The following PBX1 variants were observed in gnomAD, a reference collection of about 807,000 sequenced individuals.
PBX1 encodes the protein pre-B-cell leukemia transcription factor 1.
PBX1 carries 6 observed loss-of-function variants against 53.4 expected under a neutral mutation model. That is an observed-to-expected ratio of 0.11 (90% CI 0.06 to 0.22). The LOEUF is 0.22. Among genes scored for constraint, PBX1 ranks in the 10% least tolerant of loss-of-function variants. PBX1 has a pLI of 1.00. For missense variants in PBX1, 251 were observed against 551.4 expected, an observed-to-expected ratio of 0.46 and a Z score of 5.46; for synonymous variants, 204 against 212.3, an observed-to-expected ratio of 0.96 and a Z score of 0.34.
intron 2 of PBX1, among the ~76,000 whole-genome samples, chr1:164,663,448 A>G (rs1660630293): frequency 1.3e-5 from 2 of 152,136 alleles, no homozygotes; most frequent in Non-Finnish European, 1.5e-5. Flanking sequence ...GTGATAATAC[A>G]TTACTGTTCA....
intron 2 of PBX1, chr1:164,641,640 G>GTCTGCTA (rs1659154258): frequency 6.6e-6 from 1 of 152,226 alleles, no homozygotes. Context: ...CACAAGGGTA[G>GTCTGCTA]CAGGCCTGAG....
chr1:164,687,583 A>T (rs976777735), intron 2 of PBX1, among the ~76,000 whole-genome samples: 2 of 142,720 alleles, frequency 1.4e-5, no homozygotes, highest in Admixed American at 1.4e-4. Context: ...AAAAAAAAAA[A>T]GGAAATAGTT....
chr1:164,709,156 T>C (rs1438534235), intron 2 of PBX1, among the ~76,000 whole-genome samples: 1 of 152,170 alleles, frequency 6.6e-6, no homozygotes, highest in Admixed American at 6.5e-5. Context: ...CCTAACTTTG[T>C]TGGTCACTTT....
intron 2 of PBX1, among the ~76,000 whole-genome samples, chr1:164,579,930 GA>G (rs1654494902): frequency 6.6e-6 from 1 of 152,182 alleles, no homozygotes; most frequent in Non-Finnish European, 1.5e-5. Flanking sequence ...AGAGTTTAGT[GA>G]ATCTTCCTAA....
At chr1:164,679,967 A>G (rs767971130) in intron 2 of PBX1, 1 of 152,016 alleles carries the variant, frequency 6.6e-6, no homozygotes, top group Non-Finnish European at 1.5e-5. Flanking sequence ...ATGTGATCTT[A>G]TTTGGACAAA....
chr1:164,688,991 C>G (rs1030130828), intron 2 of PBX1, among the ~76,000 whole-genome samples: 2 of 152,350 alleles, frequency 1.3e-5, no homozygotes, highest in East Asian at 3.9e-4. Flanking sequence ...AGGGTGGCGT[C>G]GCGCCTCCCC....
intron 2 of PBX1, among the ~76,000 whole-genome samples, chr1:164,601,908 C>G (rs1656203271): frequency 1.3e-5 from 2 of 152,182 alleles, no homozygotes; most frequent in Non-Finnish European, 2.9e-5. Context: ...GGAACCAGAT[C>G]CTGGCTGAGA....
At chr1:164,870,258 C>CTTTCT (rs1672326520) in intron 2 of PBX1, among the ~76,000 whole-genome samples, 1 of 65,198 alleles carries the variant, frequency 1.5e-5, no homozygotes, top group African/African-American at 6.7e-5. Flanking sequence ...TCCTTCCTTC[C>CTTTCT]TTCCTTCCTT....
At position 164,754,754 on chromosome 1, in the gene PBX1, C is replaced by T. The variant is rs183157936; in HGVS notation, c.266-37740C>T. The stretch of plus-strand genomic sequence containing the variant: ...ATCAGTTTATGGGCATGATATGCTT[C>T]GTGATTTTTTTGTGTTAAGTATGTT... On this transcript the variant is annotated intron_variant, in intron 2 of 8. Transcript: ENST00000420696. 2.1e-3 allele frequency among the ~76,000 whole-genome samples: 325 copies of T among 152,198 alleles called. 2 individuals carry two copies. Among genetic ancestry groups the T allele is most frequent in the Non-Finnish European group, 3.5e-3 (240 of 67,996 alleles).
intron 2 of PBX1, chr1:164,626,245 G>A (rs912426342): frequency 1.5e-5 from 5 of 339,400 alleles, no homozygotes; most frequent in Middle Eastern, 2.3e-3. Flanking sequence ...TACGGTATTT[G>A]GAAATCCTGG....
At chr1:164,814,286 T>A (rs1669767183) in intron 6 of PBX1, 1 of 152,220 alleles carries the variant, frequency 6.6e-6, no homozygotes, top group Non-Finnish European at 1.5e-5. Flanking sequence ...AAATGATAAT[T>A]GAAATAAATT....
intron 2 of PBX1, chr1:164,639,701 C>T (rs1659001101): frequency 6.6e-6 from 1 of 152,210 alleles, no homozygotes; most frequent in African/African-American, 2.4e-5. Context: ...CTTGCTCTGT[C>T]ACTCAGGCTG....
Position 164,875,988 on chromosome 1 carries a change from G to GTGTA in PBX1, n.258-23199_258-23198insGTAT, listed in dbSNP as rs776802784. Among the ~76,000 whole-genome samples, 199 of 56,954 alleles carry GTGTA rather than the reference G, an allele frequency of 3.5e-3. 9 individuals are homozygous for GTGTA. The highest frequency in any genetic ancestry group is 8.1e-3 in the African/African-American group (194 of 23,898). 37.4% of individuals were successfully genotyped at this position (56,954 alleles called of 152,430 possible). A position where few individuals can be genotyped will look rare whatever the true frequency, so the allele number is the denominator to read the frequency against. The stretch of plus-strand genomic sequence containing the variant: ...ATACCTATATATATTTGGTGTATGT[G>GTGTA]TATATATATATATATATACACACAT... On this transcript the variant is annotated intron_variant and non_coding_transcript_variant, in intron 2 of 2. Coordinates refer to the PBX1 transcript ENST00000558796.
chr1:164,849,017 GACA>G lies in PBX1; in HGVS notation c.*2344_*2346del. On this transcript the variant is annotated 3_prime_UTR_variant, in exon 9 of 9. Coordinates refer to ENST00000420696, the MANE Select transcript of PBX1 (RefSeq NM_002585.4). ...AGATGCCTAGAAGGAGCATTTTTGTGACAACTTCATAGTGATTAGAATCAGTGG... is the reference window on the plus strand; with the variant it reads ...AGATGCCTAGAAGGAGCATTTTTGTGACTTCATAGTGATTAGAATCAGTGG... 1 of 1,174,406 alleles carries G rather than the reference GACA, an allele frequency of 8.5e-7. No individual in the cohort carries two copies. Among genetic ancestry groups the G allele is most frequent in the Non-Finnish European group, 1.1e-6 (1 of 946,914 alleles). The allele number at this position is 1,174,406 out of a possible 1,614,324, so 72.7% of individuals were successfully genotyped here.
At chr1:164,823,451 G>A (rs1424980045) in intron 8 of PBX1, among the ~76,000 whole-genome samples, 1 of 152,104 alleles carries the variant, frequency 6.6e-6, no homozygotes, top group Non-Finnish European at 1.5e-5. Context: ...AAGAACATGA[G>A]GAAAGCACAA....
At chr1:164,799,968 C>G (rs1040811498) in intron 4 of PBX1, 79 bp downstream of exon 4, 1 of 1,351,810 alleles carries the variant, frequency 7.4e-7, no homozygotes, top group African/African-American at 1.4e-5. Flanking sequence ...CTGCCCCCTT[C>G]AGGCTCTAGT....
chr1:164,571,059 C>A (rs1203442182), intron 2 of PBX1, among the ~76,000 whole-genome samples: 1 of 152,112 alleles, frequency 6.6e-6, no homozygotes, highest in East Asian at 1.9e-4. Context: ...TAGAAGACAA[C>A]CTGACCTTTT....
intron 2 of PBX1, among the ~76,000 whole-genome samples, chr1:164,712,748 GT>G (rs1165234266): frequency 1.3e-5 from 2 of 152,186 alleles, no homozygotes; most frequent in Non-Finnish European, 2.9e-5. Flanking sequence ...GGAAGTGACT[GT>G]TTCCTGGCCT....
intron 2 of PBX1, among the ~76,000 whole-genome samples, chr1:164,620,991 AAATT>A (rs1416298615): frequency 1.4e-5 from 2 of 147,990 alleles, no homozygotes; most frequent in South Asian, 4.3e-4. Flanking sequence ...CATTAAAAAA[AAATT>A]AATTAATTTT....
Sources: gnomAD v4.1 joint callset for allele counts (sites outside exome capture counted in the v4.1 genomes callset) on GRCh38, gnomAD v4.1.1 for gene constraint, MANE v1.5 for transcripts, NCBI Gene and HGNC (gene_info 2026-07-23, HGNC 2026-07-21) for gene names.